ANKRD28: variants seen among roughly 807,000 people sequenced by gnomAD.
ANKRD28 encodes the protein ankyrin repeat domain 28, also known as serine/threonine-protein phosphatase 6 regulatory ankyrin repeat subunit A.
ANKRD28 carries 44 observed loss-of-function variants against 126.5 expected under a neutral mutation model. The observed-to-expected ratio is 0.35, with a 90% confidence interval of 0.27 to 0.45. ANKRD28 has a LOEUF of 0.45. ANKRD28 is among the 20% of genes least tolerant of loss of function. The pLI is 1.00. For synonymous variants in ANKRD28, 442 were observed against 468.5 expected (o/e 0.94, Z 0.73); for missense variants, 1,110 against 1,316.6 (o/e 0.84, Z 2.43).
intron 27 of ANKRD28, among the ~76,000 whole-genome samples, chr3:15,675,048 T>C (rs1326902615): frequency 2.0e-5 from 3 of 152,108 alleles, no homozygotes; most frequent in Admixed American, 1.3e-4. Context: ...GGCAGGCAGA[T>C]CACCTGAGGT....
intron 3 of ANKRD28, among the ~76,000 whole-genome samples, chr3:15,755,608 A>T (rs2058110639): frequency 6.6e-6 from 1 of 152,226 alleles, no homozygotes; most frequent in Non-Finnish European, 1.5e-5. Flanking sequence ...ATTAAACACC[A>T]GCCACAACAG....
chr3:15,681,054 G>C (rs980140349), intron 21 of ANKRD28, among the ~76,000 whole-genome samples: 1 of 152,070 alleles, frequency 6.6e-6, no homozygotes, highest in Admixed American at 6.6e-5. Flanking sequence ...TCCAGCCTTG[G>C]TATTCTTGGG....
Position 15,797,064 on chromosome 3 carries a change from T to C in ANKRD28, c.-543A>G. On this transcript the variant is annotated 5_prime_UTR_variant, in exon 1 of 28. Transcript: ENST00000683139. ...AAAATCTCACTATTCTGTTTCCACT[T>C]CTAATTTGTCTTCATTTCTTCATCA... 3 of 985,322 alleles carry C rather than the reference T, an allele frequency of 3.0e-6. No individual in the cohort carries two copies. Among genetic ancestry groups the C allele is most frequent in the Non-Finnish European group, 3.6e-6 (3 of 829,864 alleles). The allele number at this position is 985,322 out of a possible 1,614,324, so 61.0% of individuals were successfully genotyped here. A position where few individuals can be genotyped will look rare whatever the true frequency, so the allele number is the denominator to read the frequency against.
intron 6 of ANKRD28, 115 bp from the exon 7 acceptor site, chr3:15,724,639 G>C: frequency 1.1e-6 from 1 of 929,376 alleles, no homozygotes. Context: ...TGCATGACAA[G>C]TCATCAATGA....
rs2073676633 is a variant in ANKRD28, at chr3:15,721,123, T to C, written c.788A>G (p.Asn263Ser). The change falls in exon 8 of 28, where the codon AAT becomes AGT. Residue 263 changes from asparagine to serine, a missense_variant. Asn to Ser is a conservative substitution (Grantham distance 46). Coordinates refer to ENST00000683139, the MANE Select transcript of ANKRD28 (RefSeq NM_001349278.2). ...KYLLDLGVDMNEPNAYGNTPL... is the reference protein window; with the variant it reads ...KYLLDLGVDMSEPNAYGNTPL... ...TGTATTTCCATAGGCATTTGGTTCATTCATCTATTAGAAGGGAAAAAAATG... is the reference window on the plus strand; with the variant it reads ...TGTATTTCCATAGGCATTTGGTTCACTCATCTATTAGAAGGGAAAAAAATG... The C allele has an allele frequency of 1.2e-6, 2 of 1,609,870 alleles. No homozygotes were observed. Among genetic ancestry groups the C allele is most frequent in the Non-Finnish European group, 1.7e-6 (2 of 1,178,492 alleles).
chr3:15,748,103 C>T (rs983835960), intron 4 of ANKRD28, among the ~76,000 whole-genome samples: 4 of 152,198 alleles, frequency 2.6e-5, no homozygotes, highest in African/African-American at 9.7e-5. Context: ...GGTGAGTCTA[C>T]TGAAGACAGC....
At chr3:15,775,355 T>G (rs999271633) in intron 2 of ANKRD28, among the ~76,000 whole-genome samples, 1 of 152,222 alleles carries the variant, frequency 6.6e-6, no homozygotes, top group African/African-American at 2.4e-5. Context: ...AAACTGATAC[T>G]TGATGTGTGG....
chr3:15,764,081 C>G (rs376814300), intron 3 of ANKRD28, among the ~76,000 whole-genome samples: 17 of 152,042 alleles, frequency 1.1e-4, no homozygotes, highest in Middle Eastern at 3.4e-3. Flanking sequence ...AAAAATTAGC[C>G]AGGCCTGGTG....
In ANKRD28 at chr3:15,796,458, T is replaced by C. The variant is rs2060278687; in HGVS notation, c.64A>G (p.Lys22Glu). The change falls in exon 1 of 28, where the codon AAA becomes GAA. Residue 22 changes from lysine to glutamate, a missense_variant. Physicochemically the swap from Lys to Glu is moderately conservative, Grantham distance 56 (BLOSUM62 1). Transcript: ENST00000683139. ...VEDESPAFISKLPQENKSLHS... is the reference protein window; with the variant it reads ...VEDESPAFISELPQENKSLHS... Reference sequence around the variant, plus strand: ...AGGGATTTATTTTCCTGTGGCAATTTAGAAATGAATGCAGGAGATTCATCT... The same window carrying C: ...AGGGATTTATTTTCCTGTGGCAATTCAGAAATGAATGCAGGAGATTCATCT... 7.8e-7 allele frequency: 1 copy of C among 1,288,924 alleles called. No homozygotes were observed. Among genetic ancestry groups the C allele is most frequent in the African/African-American group, 1.5e-5 (1 of 65,962 alleles). The allele number at this position is 1,288,924 out of a possible 1,614,324, so 79.8% of individuals were successfully genotyped here. A position where few individuals can be genotyped will look rare whatever the true frequency, so the allele number is the denominator to read the frequency against.
chr3:15,836,722 A>C (rs2061332623), intron 1 of ANKRD28, among the ~76,000 whole-genome samples: 1 of 152,230 alleles, frequency 6.6e-6, no homozygotes, highest in Admixed American at 6.5e-5. Context: ...TACTGGAGAC[A>C]AAGAGGAACA....
In ANKRD28 at chr3:15,771,916, A is replaced by G. The variant is rs114595679; in HGVS notation, c.202-5604T>C. On this transcript the variant is annotated intron_variant, in intron 2 of 27. Coordinates refer to ENST00000683139, the MANE Select transcript of ANKRD28 (RefSeq NM_001349278.2). ...TAACCTGACAATTTGAAAATTGCCA[A>G]GTATTTGGGATTCAAAGCATATTTC... Among the ~76,000 whole-genome samples, 898 of 152,360 alleles carry G rather than the reference A, an allele frequency of 5.9e-3. 6 individuals are homozygous for G. The highest frequency in any genetic ancestry group is 0.021 in the African/African-American group (853 of 41,580).
intron 9 of ANKRD28, among the ~76,000 whole-genome samples, 171 bp downstream of exon 9, chr3:15,714,407 C>T (rs753145956): frequency 2.0e-5 from 3 of 151,618 alleles, no homozygotes; most frequent in Non-Finnish European, 4.4e-5. Flanking sequence ...GATACAGCTA[C>T]GTGGTATTTT....
At chr3:15,676,889 C>T in intron 26 of ANKRD28, 85 bp downstream of exon 26, 3 of 1,114,820 alleles carry the variant, frequency 2.7e-6, no homozygotes, top group South Asian at 1.4e-5. Flanking sequence ...AAACCTATTC[C>T]AATAGTCACA....
chr3:15,686,414 C>T (rs1385314758), intron 18 of ANKRD28, 105 bp from the exon 19 acceptor site: 3 of 898,252 alleles, frequency 3.3e-6, no homozygotes, highest in Non-Finnish European at 5.1e-6. Flanking sequence ...GATAGTTGCA[C>T]TGAATTTAAT....
chr3:15,802,920 T>C (rs1267836297), upstream of ANKRD28, among the ~76,000 whole-genome samples: 5 of 152,148 alleles, frequency 3.3e-5, no homozygotes, highest in Admixed American at 2.6e-4. Flanking sequence ...TAATGAACCA[T>C]ACACACAAAT....
chr3:15,672,038 T>C (rs1295857085), intron 27 of ANKRD28, among the ~76,000 whole-genome samples: 1 of 152,198 alleles, frequency 6.6e-6, no homozygotes, highest in Non-Finnish European at 1.5e-5. Context: ...TATTTCATTG[T>C]GTGATTATAC....
intron 2 of ANKRD28, among the ~76,000 whole-genome samples, chr3:15,773,859 A>G (rs918565545): frequency 6.6e-6 from 1 of 152,170 alleles, no homozygotes; most frequent in Non-Finnish European, 1.5e-5. Context: ...ACAAACTAAA[A>G]AGGCAGAAAC....
At chr3:15,704,752 G>T (rs1355038973) in intron 14 of ANKRD28, among the ~76,000 whole-genome samples, 1 of 151,986 alleles carries the variant, frequency 6.6e-6, no homozygotes, top group Admixed American at 6.6e-5. Context: ...CACTGTTTAA[G>T]CCTCCAAAAC....
At chr3:15,731,255 G>C (rs1383157925) in intron 6 of ANKRD28, among the ~76,000 whole-genome samples, 1 of 152,172 alleles carries the variant, frequency 6.6e-6, no homozygotes, top group African/African-American at 2.4e-5. Flanking sequence ...ACTATTCTGG[G>C]AGCTCAACTA....
Sources: gnomAD v4.1 joint callset for allele counts (sites outside exome capture counted in the v4.1 genomes callset) on GRCh38, gnomAD v4.1.1 for gene constraint, MANE v1.5 for transcripts, NCBI Gene and HGNC (gene_info 2026-07-23, HGNC 2026-07-21) for gene names.